The following LY86 variants were observed in gnomAD, a reference collection of about 807,000 sequenced individuals.
LY86 encodes lymphocyte antigen 86, also known as MD-1, RP105-associated.
Under a neutral mutation model 17.3 loss-of-function variants are expected in LY86, and 20 were observed. The ratio of observed to expected loss-of-function variants is 1.15; its 90% CI spans 0.81 to 1.68. The LOEUF is 1.68. LY86 is among the 40% of genes most tolerant of loss of function. LY86 has a pLI of 0.00. For missense variants in LY86, 200 were observed against 191.9 expected (o/e 1.04, Z -0.25); for synonymous variants, 74 against 70.6 (o/e 1.05, Z -0.24).
intron 1 of LY86, among the ~76,000 whole-genome samples, chr6:6,623,278 G>A (rs1761719302): frequency 6.6e-6 from 1 of 152,166 alleles, no homozygotes; most frequent in Non-Finnish European, 1.5e-5. Context: ...CTGTGGAGCT[G>A]AGACACAGGC....
At chr6:6,643,369 C>T (rs1581252106) in intron 3 of LY86, among the ~76,000 whole-genome samples, 2 of 152,196 alleles carry the variant, frequency 1.3e-5, no homozygotes, top group African/African-American at 2.4e-5. Context: ...TTTGCAACAA[C>T]GTGGACAAAC....
intron 1 of LY86, among the ~76,000 whole-genome samples, chr6:6,591,734 T>G (rs1374752041): frequency 6.6e-6 from 1 of 152,070 alleles, no homozygotes; most frequent in Non-Finnish European, 1.5e-5. Context: ...TTGATGGAAT[T>G]AAAACAAATT....
At chr6:6,603,352 G>A (rs922677885) in intron 1 of LY86, among the ~76,000 whole-genome samples, 8 of 101,970 alleles carry the variant, frequency 7.8e-5, no homozygotes, top group Non-Finnish European at 1.4e-4. Context: ...TGGCAAAAGA[G>A]AAACCAAGAC....
intron 3 of LY86, among the ~76,000 whole-genome samples, chr6:6,629,106 G>A (rs549547299): frequency 1.3e-4 from 20 of 152,354 alleles, no homozygotes; most frequent in Admixed American, 1.0e-3. Flanking sequence ...AGGTTGGACA[G>A]CTCTGCAGCT....
At chr6:6,623,331 G>T (rs559193086) in intron 1 of LY86, among the ~76,000 whole-genome samples, 1 of 152,326 alleles carries the variant, frequency 6.6e-6, no homozygotes, top group South Asian at 2.1e-4. Context: ...TGTTACTGCA[G>T]TAGCTTAGGG....
intron 1 of LY86, among the ~76,000 whole-genome samples, chr6:6,597,637 G>A (rs1025908990): frequency 2.0e-5 from 3 of 152,164 alleles, no homozygotes; most frequent in Non-Finnish European, 2.9e-5. Flanking sequence ...TTGCACCTCC[G>A]TCTGTGGGAT....
At chr6:6,651,260 A>G (rs1561794233) in intron 4 of LY86, among the ~76,000 whole-genome samples, 2 of 152,224 alleles carry the variant, frequency 1.3e-5, no homozygotes, top group African/African-American at 4.8e-5. Flanking sequence ...CAAAACCTGT[A>G]TTTGGCTGAA....
intron 4 of LY86, among the ~76,000 whole-genome samples, chr6:6,650,166 A>G (rs532313173): frequency 7.2e-5 from 11 of 152,324 alleles, no homozygotes; most frequent in Admixed American, 5.9e-4. Context: ...ATAAGCTGCC[A>G]CTAAGTCAAT....
At chr6:6,649,430 G>A (rs542680076) in intron 3 of LY86, among the ~76,000 whole-genome samples, 195 bp from the exon 4 acceptor site, 16 of 152,334 alleles carry the variant, frequency 1.1e-4, no homozygotes, top group Admixed American at 4.6e-4. Flanking sequence ...GAAGGTGCCC[G>A]ACCAATATTT....
intron 1 of LY86, among the ~76,000 whole-genome samples, chr6:6,605,334 G>C (rs1435963891): frequency 2.6e-5 from 4 of 152,230 alleles, no homozygotes; most frequent in African/African-American, 9.6e-5. Context: ...GGGTCTCTGG[G>C]AAAAGGTGAT....
At chr6:6,649,429 C>T (rs572049210) in intron 3 of LY86, among the ~76,000 whole-genome samples, 196 bp from the exon 4 acceptor site, 266 of 152,244 alleles carry the variant, frequency 1.7e-3, no homozygotes, top group African/African-American at 5.7e-3. Context: ...GGAAGGTGCC[C>T]GACCAATATT....
intron 3 of LY86, among the ~76,000 whole-genome samples, chr6:6,638,202 G>T (rs1240221342): frequency 6.6e-6 from 1 of 152,176 alleles, no homozygotes; most frequent in African/African-American, 2.4e-5. Context: ...ACCGGATTTT[G>T]AAGACTTAGT....
At chr6:6,613,179 A>C (rs945719737) in intron 1 of LY86, among the ~76,000 whole-genome samples, 5 of 152,218 alleles carry the variant, frequency 3.3e-5, no homozygotes, top group Non-Finnish European at 7.3e-5. Flanking sequence ...AGATTCTCCA[A>C]GTTCCCACCA....
intron 2 of LY86, among the ~76,000 whole-genome samples, chr6:6,625,788 T>G (rs1156283937): frequency 6.6e-6 from 1 of 151,834 alleles, no homozygotes; most frequent in Non-Finnish European, 1.5e-5. Context: ...AAAAGAGAAA[T>G]AGAAGAGTGG....
chr6:6,621,713 C>T (rs1237676548), intron 1 of LY86, among the ~76,000 whole-genome samples: 1 of 152,178 alleles, frequency 6.6e-6, no homozygotes, highest in Non-Finnish European at 1.5e-5. Flanking sequence ...TTGAGGAATC[C>T]TGCTTTAAGG....
intron 3 of LY86, among the ~76,000 whole-genome samples, chr6:6,637,689 G>T (rs1420616877): frequency 1.3e-5 from 2 of 152,160 alleles, no homozygotes; most frequent in Non-Finnish European, 2.9e-5. Context: ...AGAGCCCTGA[G>T]TGTGTGAGCC....
At chr6:6,637,600 C>T (rs955139163) in intron 3 of LY86, among the ~76,000 whole-genome samples, 21 of 152,178 alleles carry the variant, frequency 1.4e-4, no homozygotes, top group Non-Finnish European at 2.5e-4. Context: ...ATTAAGATGG[C>T]CAACTCACGA....
At chr6:6,598,146 A>G (rs369371852) in intron 1 of LY86, among the ~76,000 whole-genome samples, 1 of 152,260 alleles carries the variant, frequency 6.6e-6, no homozygotes, top group Non-Finnish European at 1.5e-5. Flanking sequence ...AAAACTTTGT[A>G]AATTTAACAA....
intron 3 of LY86, among the ~76,000 whole-genome samples, chr6:6,634,017 C>T (rs190719881): frequency 6.6e-6 from 1 of 152,196 alleles, no homozygotes; most frequent in East Asian, 1.9e-4. Flanking sequence ...CCAATGAAAA[C>T]CTGAGAGGAC....
Sources: allele counts gnomAD v4.1 joint callset (sites outside exome capture counted in the v4.1 genomes callset), GRCh38; gene constraint gnomAD v4.1.1; transcripts MANE v1.5; gene names NCBI Gene and HGNC (gene_info 2026-07-23, HGNC 2026-07-21).